The following SLC22A25 variants were observed in gnomAD, a reference collection of about 807,000 sequenced individuals.
SLC22A25 encodes the protein solute carrier family 22 member 25.
SLC22A25 carries 44 observed loss-of-function variants against 45.9 expected under a neutral mutation model. That is an observed-to-expected ratio of 0.96 (90% CI 0.75 to 1.23). The LOEUF (loss-of-function observed/expected upper bound fraction) is 1.23, where lower values mean the gene tolerates loss of function less well. Ranked by LOEUF, SLC22A25 falls within the 50% of genes most tolerant of loss-of-function variation. SLC22A25 has a pLI of 0.00. For missense variants in SLC22A25, 800 were observed against 666.4 expected (o/e 1.20, Z -2.21); for synonymous variants, 283 against 238.6 (o/e 1.19, Z -1.72).
intron 7 of SLC22A25, among the ~76,000 whole-genome samples, chr11:63,202,513 TCA>T (rs1464242397): frequency 6.6e-6 from 1 of 152,160 alleles, no homozygotes; most frequent in African/African-American, 2.4e-5. Context: ...GGTTTTCCCC[TCA>T]CAGTGTAAAC....
intron 7 of SLC22A25, among the ~76,000 whole-genome samples, chr11:63,190,127 T>A (rs1013022691): frequency 6.6e-6 from 1 of 152,230 alleles, no homozygotes; most frequent in African/African-American, 2.4e-5. Flanking sequence ...CTGGATAATA[T>A]CCTGCAGAGT....
At chr11:63,181,964 C>A (rs754028212) in intron 8 of SLC22A25, among the ~76,000 whole-genome samples, 1 of 152,016 alleles carries the variant, frequency 6.6e-6, no homozygotes, top group Non-Finnish European at 1.5e-5. Context: ...ATGAATGTTA[C>A]GTACTGAACT....
chr11:63,212,631 C>T (rs1390027883), intron 7 of SLC22A25, among the ~76,000 whole-genome samples: 6 of 126,086 alleles, frequency 4.8e-5, no homozygotes, highest in Non-Finnish European at 7.7e-5. Context: ...AACACATGGA[C>T]GCAGGAAGGG....
rs2087678919 is a variant in SLC22A25, at chr11:63,166,240, A to G, written c.1089T>C (p.Pro363=). Reference sequence around the variant, plus strand: ...GGAGGTGCAAAGTAAGGCCCCAAAAAGGGATGGTACTTGCAAATCTGCAGG... The same window carrying G: ...GGAGGTGCAAAGTAAGGCCCCAAAAGGGGATGGTACTTGCAAATCTGCAGG... ...LSFVRFASTI[P]FWGLTLHLQH... is the part of the protein sequence containing the mutation. The change falls in exon 10 of 12, where the codon CCT becomes CCC. Residue 363 remains proline, a synonymous_variant. Coordinates refer to ENST00000306494, the MANE Select transcript of SLC22A25 (RefSeq NM_199352.6). The G allele has an allele frequency of 2.5e-6, 4 of 1,613,948 alleles. No homozygotes were observed. Among genetic ancestry groups the G allele is most frequent in the South Asian group, 1.1e-5 (1 of 91,068 alleles).
chr11:63,199,096 A>G (rs2089155151), intron 7 of SLC22A25, among the ~76,000 whole-genome samples: 1 of 152,092 alleles, frequency 6.6e-6, no homozygotes, highest in African/African-American at 2.4e-5. Context: ...GCCGTTCAAA[A>G]GATGAACTAA....
At chr11:63,176,388 A>C (rs76123065) in intron 9 of SLC22A25, among the ~76,000 whole-genome samples, 2,792 of 151,846 alleles carry the variant, frequency 0.018, 75 homozygotes, top group African/African-American at 0.052. Context: ...TTATTTCATC[A>C]ATGTTTTGTA....
intron 9 of SLC22A25, among the ~76,000 whole-genome samples, chr11:63,172,842 T>C (rs188593368): frequency 1.8e-4 from 28 of 152,140 alleles, no homozygotes; most frequent in Admixed American, 9.8e-4. Context: ...AGAAATACCA[T>C]TGGACCCAGC....
At chr11:63,241,296 G>A (rs978887837) in intron 1 of SLC22A25, among the ~76,000 whole-genome samples, 3 of 152,142 alleles carry the variant, frequency 2.0e-5, no homozygotes, top group Admixed American at 1.3e-4. Context: ...GCCACAGAAG[G>A]AACCCTGTTT....
chr11:63,175,822 T>C (rs2088065415), intron 9 of SLC22A25, among the ~76,000 whole-genome samples: 1 of 151,536 alleles, frequency 6.6e-6, no homozygotes, highest in South Asian at 2.1e-4. Context: ...GAAAATTGGG[T>C]GTGTATATAT....
chr11:63,179,306 C>T (rs2088234092), intron 9 of SLC22A25, among the ~76,000 whole-genome samples: 1 of 151,864 alleles, frequency 6.6e-6, no homozygotes, highest in Non-Finnish European at 1.5e-5. Flanking sequence ...TATTTTGTTC[C>T]CTTTTGTGTC....
At chr11:63,242,142 GA>G (rs1328665443) in intron 1 of SLC22A25, among the ~76,000 whole-genome samples, 2 of 152,148 alleles carry the variant, frequency 1.3e-5, no homozygotes, top group East Asian at 3.8e-4. Flanking sequence ...AGTTGGGACA[GA>G]AACTAACAGA....
rs150544411 is a variant in SLC22A25 at position 63,164,032 on chromosome 11, C to T, written c.1436G>A (p.Gly479Glu). ...TGITGNFANIGGALASLMMIL... is the reference protein window; with the variant it reads ...TGITGNFANIEGALASLMMIL... ...CATCATGAGGGAAGCCAGGGCTCCC[C>T]CAATATTAGCAAAGTTTCCAGTGAT... Residue 479 changes from glycine (G) to glutamate (E), a missense_variant, in exon 12 of 12, where the codon GGG becomes GAG. Physicochemically the swap from Gly to Glu is moderately conservative, Grantham distance 98. Transcript: ENST00000306494. 25 of 1,610,498 alleles carry T rather than the reference C, an allele frequency of 1.6e-5. No homozygotes were observed. In the African/African-American group the frequency reaches 2.3e-4, roughly 15 times the overall value.
intron 7 of SLC22A25, among the ~76,000 whole-genome samples, chr11:63,212,427 C>A (rs778125827): frequency 0.038 from 5,753 of 152,140 alleles, 144 homozygotes; most frequent in Non-Finnish European, 0.061. Flanking sequence ...CAAATGTCCA[C>A]CAATGATAGA....
At chr11:63,229,190 T>A in intron 4 of SLC22A25, 61 bp downstream of exon 4, 2 of 1,447,268 alleles carry the variant, frequency 1.4e-6, no homozygotes, top group African/African-American at 2.8e-5. Context: ...GCACAATCAT[T>A]TCTTGTGTTA....
In SLC22A25 at chr11:63,224,439, G is replaced by A. The variant is rs550534686; in HGVS notation, c.506+4022C>T. ...TTCATTTACATTCAATAATATTATT[G>A]ATAAGTAAGGACTTACTCCTGCCAT... On this transcript the variant is annotated intron_variant, in intron 5 of 11. Transcript: ENST00000306494. Among the ~76,000 whole-genome samples the A allele has an allele frequency of 3.1e-4, 47 of 152,074 alleles. 1 individual carries two copies. Among genetic ancestry groups the A allele is most frequent in the South Asian group, 1.7e-3 (8 of 4,816 alleles).
intron 9 of SLC22A25, chr11:63,167,454 G>A (rs967931633): frequency 1.1e-4 from 17 of 152,316 alleles, no homozygotes; most frequent in African/African-American, 3.1e-4. Flanking sequence ...GTCTGAGGTC[G>A]AACTGGGATG....
At chr11:63,193,013 C>G (rs780616641) in intron 7 of SLC22A25, among the ~76,000 whole-genome samples, 1 of 152,178 alleles carries the variant, frequency 6.6e-6, no homozygotes, top group Non-Finnish European at 1.5e-5. Context: ...ACTCTCCACC[C>G]AAACCAATAG....
chr11:63,192,406 G>T (rs2088848741), intron 7 of SLC22A25, among the ~76,000 whole-genome samples: 2 of 152,128 alleles, frequency 1.3e-5, no homozygotes, highest in Admixed American at 6.5e-5. Context: ...ACAGGACAGA[G>T]ACACTATAAA....
At chr11:63,225,087 A>G (rs1021761987) in intron 5 of SLC22A25, among the ~76,000 whole-genome samples, 2 of 152,224 alleles carry the variant, frequency 1.3e-5, no homozygotes, top group African/African-American at 4.8e-5. Context: ...TGACAGAGCA[A>G]GACTCCGTCT....
Sources: allele counts gnomAD v4.1 joint callset (sites outside exome capture counted in the v4.1 genomes callset), GRCh38; gene constraint gnomAD v4.1.1; transcripts MANE v1.5; gene names NCBI Gene and HGNC (gene_info 2026-07-23, HGNC 2026-07-21).